The following BTAF1 variants were observed in gnomAD, a reference collection of about 807,000 sequenced individuals.
BTAF1 encodes the protein TATA-binding protein-associated factor 172.
A neutral mutation model predicts 227.1 loss-of-function variants in BTAF1; 38 were observed. The ratio of observed to expected loss-of-function variants is 0.17; its 90% CI spans 0.13 to 0.22. The LOEUF (loss-of-function observed/expected upper bound fraction) is 0.22, where lower values mean the gene tolerates loss of function less well. Ranked by LOEUF, BTAF1 falls within the 10% of genes least tolerant of loss-of-function variation. BTAF1 has a pLI of 1.00. For missense variants in BTAF1, 1,598 were observed against 2,204.0 expected (o/e 0.73, Z 5.51); for synonymous variants, 742 against 751.9 (o/e 0.99, Z 0.21).
intron 4 of BTAF1, among the ~76,000 whole-genome samples, chr10:91,942,841 T>A (rs947030960): frequency 6.6e-6 from 1 of 152,172 alleles, no homozygotes; most frequent in Non-Finnish European, 1.5e-5. Flanking sequence ...TTATGTAGTA[T>A]GGAAATTATA....
intron 4 of BTAF1, among the ~76,000 whole-genome samples, chr10:91,949,884 C>G (rs531681354): frequency 6.6e-6 from 1 of 152,186 alleles, no homozygotes; most frequent in African/African-American, 2.4e-5. Context: ...GCTTGTAATC[C>G]CAGCGCTTTG....
At position 92,009,156 on chromosome 10, in the gene BTAF1, A is replaced by G. The variant is rs142895671; in HGVS notation, c.4051A>G (p.Arg1351Gly). ...WVDEVGKFCSREYLNPLHYTG... is the reference protein window; with the variant it reads ...WVDEVGKFCSGEYLNPLHYTG... The stretch of plus-strand genomic sequence containing the variant: ...GGATGAAGTAGGTAAATTTTGCTCT[A>G]GAGAATATCTCAACCCGTTGCATTA... The change falls in exon 28 of 38, where the codon AGA becomes GGA. Residue 1351 changes from arginine (R) to glycine (G), a missense_variant. Physicochemically the swap from Arg to Gly is moderately radical, Grantham distance 125. Coordinates refer to ENST00000265990, the MANE Select transcript of BTAF1 (RefSeq NM_003972.3). The G allele has an allele frequency of 9.3e-6, 15 of 1,614,042 alleles. No homozygotes were observed. Among genetic ancestry groups the G allele is most frequent in the African/African-American group, 2.7e-5 (2 of 74,952 alleles).
At position 91,959,951 on chromosome 10, in the gene BTAF1, T is replaced by C. The variant is rs556399977; in HGVS notation, c.1087-27T>C. ...CTACAAAATACGTTTTTTGCAAATA[T>C]GAGTTTTCTTCCTTTTTCGTCTGTA... is the stretch of plus-strand genomic sequence containing the variant. On this transcript the variant is annotated intron_variant, in intron 10 of 37. Transcript: ENST00000265990. The C allele has an allele frequency of 1.6e-5, 26 of 1,601,026 alleles. No individual in the cohort carries two copies. In the African/African-American group the frequency reaches 1.8e-4, roughly 11 times the overall value.
intron 19 of BTAF1, among the ~76,000 whole-genome samples, chr10:91,985,933 T>C (rs1848365319): frequency 6.6e-6 from 1 of 152,144 alleles, no homozygotes; most frequent in South Asian, 2.1e-4. Context: ...CTTAATGCTG[T>C]CTTTGGATGA....
chr10:91,963,362 T>C (rs1846656450), intron 12 of BTAF1, among the ~76,000 whole-genome samples: 1 of 148,390 alleles, frequency 6.7e-6, no homozygotes, highest in Non-Finnish European at 1.5e-5. Flanking sequence ...GAGCTTGCAG[T>C]GAGCCAAGAT....
rs775484292 is a variant in BTAF1 at position 91,982,151 on chromosome 10, A to C, written c.1974A>C (p.Ala658=). The part of the protein sequence containing the change: ...QNKEVLQEYI[A]GADTIMEDPA... ...AAGAAGTACTTCAGGAGTATATTGC[A>C]GGTGCCGACACCATCATGGAAGACC... The change falls in exon 17 of 38, where the codon GCA becomes GCC. Residue 658 remains alanine, a synonymous_variant. Transcript: ENST00000265990. 9 of 1,613,906 alleles carry C rather than the reference A, an allele frequency of 5.6e-6. No individual in the cohort carries two copies. The highest frequency in any genetic ancestry group is 5.9e-6 in the Non-Finnish European group (7 of 1,179,936).
intron 23 of BTAF1, 126 bp from the exon 24 acceptor site, chr10:91,996,243 A>T: frequency 1.4e-6 from 1 of 725,888 alleles, no homozygotes; most frequent in South Asian, 1.9e-5. Flanking sequence ...TAATGTTTTG[A>T]AGTATTTGGA....
chr10:91,984,063 CTGT>C (rs1848239773), intron 18 of BTAF1, 135 bp from the exon 19 acceptor site: 4 of 728,676 alleles, frequency 5.5e-6, no homozygotes, highest in Middle Eastern at 4.0e-4. Flanking sequence ...GTGCAATTAA[CTGT>C]TGTTTGGAGA....
chr10:91,993,123 T>A (rs906865448), intron 21 of BTAF1, among the ~76,000 whole-genome samples: 13 of 152,252 alleles, frequency 8.5e-5, no homozygotes, highest in Admixed American at 1.3e-4. Context: ...TTCCCTATAA[T>A]AATTGTAATA....
intron 12 of BTAF1, among the ~76,000 whole-genome samples, chr10:91,963,171 A>T (rs1357330683): frequency 6.6e-6 from 1 of 151,882 alleles, no homozygotes; most frequent in African/African-American, 2.4e-5. Context: ...GCAGTGGATG[A>T]CATGTAGCCC....
intron 4 of BTAF1, among the ~76,000 whole-genome samples, chr10:91,943,826 A>G (rs909638651): frequency 6.6e-6 from 1 of 152,140 alleles, no homozygotes; most frequent in East Asian, 1.9e-4. Context: ...TATTTCATAG[A>G]TCTATGAAGA....
chr10:92,000,462 A>G (rs747896983), intron 25 of BTAF1, among the ~76,000 whole-genome samples: 4 of 152,250 alleles, frequency 2.6e-5, no homozygotes, highest in Non-Finnish European at 5.9e-5. Context: ...TAGAATTGAA[A>G]GTGCGCCAAA....
chr10:92,009,163 A>G lies in BTAF1; in HGVS notation c.4058A>G (p.Tyr1353Cys). The G allele has an allele frequency of 1.2e-6, 2 of 1,614,168 alleles. No homozygotes were observed. Among genetic ancestry groups the G allele is most frequent in the South Asian group, 1.1e-5 (1 of 91,084 alleles). Residue 1353 changes from tyrosine (Y) to cysteine (C), a missense_variant, in exon 28 of 38, where the codon TAT (tyrosine) becomes TGT (cysteine). Physicochemically the swap from Tyr to Cys is radical, Grantham distance 194. Coordinates refer to ENST00000265990, the MANE Select transcript of BTAF1 (RefSeq NM_003972.3). ...GTAGGTAAATTTTGCTCTAGAGAAT[A>G]TCTCAACCCGTTGCATTACACTGGA... is the stretch of plus-strand genomic sequence containing the variant. ...DEVGKFCSRE[Y>C]LNPLHYTGPP...
intron 19 of BTAF1, among the ~76,000 whole-genome samples, chr10:91,988,208 A>G (rs1273313661): frequency 2.6e-5 from 4 of 152,116 alleles, no homozygotes; most frequent in Non-Finnish European, 5.9e-5. Context: ...TCTCTCCCAC[A>G]TTAGTCTCTG....
At position 92,028,974 on chromosome 10, in the gene BTAF1, C is replaced by T; in HGVS notation, c.*41C>T. 2 of 1,526,014 alleles carry T rather than the reference C, an allele frequency of 1.3e-6. No homozygotes were observed. The highest frequency in any genetic ancestry group is 1.8e-6 in the Non-Finnish European group (2 of 1,137,078). 94.5% of individuals were successfully genotyped at this position (1,526,014 alleles called of 1,614,324 possible). A position where few individuals can be genotyped will look rare whatever the true frequency, so the allele number is the denominator to read the frequency against. On this transcript the variant is annotated 3_prime_UTR_variant, in exon 38 of 38. Transcript: ENST00000265990. ...AATGCAATTGCTGCTAGTTCAGTTACATTTCTGCTGATATTCAGCAAATTT... is the reference window on the plus strand; with the variant it reads ...AATGCAATTGCTGCTAGTTCAGTTATATTTCTGCTGATATTCAGCAAATTT...
chr10:91,940,091 T>A, intron 3 of BTAF1, 25 bp downstream of exon 3: 1 of 1,495,898 alleles, frequency 6.7e-7, no homozygotes, highest in Non-Finnish European at 9.3e-7. Context: ...AGAAAGTAGT[T>A]TTAAGTAAAA....
intron 25 of BTAF1, among the ~76,000 whole-genome samples, chr10:92,003,509 T>C (rs12263639): frequency 0.14 from 20,994 of 152,258 alleles, 1,721 homozygotes; most frequent in East Asian, 0.22. Context: ...TATTTGTCTT[T>C]CTGTGCCTGG....
intron 2 of BTAF1, among the ~76,000 whole-genome samples, chr10:91,938,780 T>C (rs1844798887): frequency 6.6e-6 from 1 of 152,154 alleles, no homozygotes; most frequent in Non-Finnish European, 1.5e-5. Flanking sequence ...GGCAGGAGTT[T>C]GAGGCTGCAG....
At chr10:91,944,507 T>C (rs141102561) in intron 4 of BTAF1, among the ~76,000 whole-genome samples, 2 of 152,310 alleles carry the variant, frequency 1.3e-5, no homozygotes, top group African/African-American at 4.8e-5. Flanking sequence ...ATGCCTAGTG[T>C]TTTTCCCTCC....
Sources: gnomAD v4.1 joint callset for allele counts (sites outside exome capture counted in the v4.1 genomes callset) on GRCh38, gnomAD v4.1.1 for gene constraint, MANE v1.5 for transcripts, NCBI Gene and HGNC (gene_info 2026-07-23, HGNC 2026-07-21) for gene names.